ARHGAP24: variants seen among roughly 807,000 people sequenced by gnomAD.
ARHGAP24 encodes the protein Rho GTPase activating protein 24.
ARHGAP24 carries 50 observed loss-of-function variants against 76.4 expected under a neutral mutation model. The observed-to-expected ratio is 0.65, with a 90% CI of 0.52 to 0.83. ARHGAP24 has a LOEUF of 0.83. Among genes scored for constraint, ARHGAP24 ranks in the 40% least tolerant of loss-of-function variants. The probability of loss-of-function intolerance (pLI) is 0.00; values close to 1 mark genes in which losing one functional copy is unlikely to be tolerated. For missense variants in ARHGAP24, 930 were observed against 914.2 expected, an observed-to-expected ratio of 1.02 and a Z score of -0.22; for synonymous variants, 345 against 323.3, an observed-to-expected ratio of 1.07 and a Z score of -0.72.
chr4:85,711,246 A>T (rs1187628817), intron 2 of ARHGAP24, among the ~76,000 whole-genome samples: 1 of 152,000 alleles, frequency 6.6e-6, no homozygotes, highest in African/African-American at 2.4e-5. Flanking sequence ...CTATTGGAGG[A>T]TAAAGGGTGG....
chr4:85,960,231 G>T (rs1454127332), intron 5 of ARHGAP24, among the ~76,000 whole-genome samples: 2 of 152,076 alleles, frequency 1.3e-5, no homozygotes, highest in Non-Finnish European at 2.9e-5. Flanking sequence ...AGTTTTAAAA[G>T]AATTCAAGTT....
At chr4:85,927,750 C>T (rs1392723796) in intron 4 of ARHGAP24, among the ~76,000 whole-genome samples, 2 of 152,140 alleles carry the variant, frequency 1.3e-5, no homozygotes, top group African/African-American at 4.8e-5. Flanking sequence ...TTCATTGTGG[C>T]AATTTTTTAA....
At chr4:85,491,086 C>T (rs184005727) in intron 1 of ARHGAP24, among the ~76,000 whole-genome samples, 126 of 152,226 alleles carry the variant, frequency 8.3e-4, no homozygotes, top group African/African-American at 2.7e-3. Context: ...TCATACAAAA[C>T]TTGTTACTTT....
chr4:85,654,413 TG>T (rs925351319), intron 2 of ARHGAP24, among the ~76,000 whole-genome samples: 1 of 152,200 alleles, frequency 6.6e-6, no homozygotes, highest in Non-Finnish European at 1.5e-5. Context: ...ACATGAATTT[TG>T]GGGGCAAACT....
intron 5 of ARHGAP24, among the ~76,000 whole-genome samples, chr4:85,948,183 T>C (rs529518298): frequency 6.6e-6 from 1 of 152,258 alleles, no homozygotes; most frequent in Admixed American, 6.5e-5. Context: ...ATCAGATCAA[T>C]AGTTAAGTAG....
At chr4:85,751,437 T>C (rs1174988536) in intron 3 of ARHGAP24, among the ~76,000 whole-genome samples, 3 of 152,208 alleles carry the variant, frequency 2.0e-5, no homozygotes, top group Non-Finnish European at 4.4e-5. Context: ...ATTTATATAT[T>C]AGGATGGCCA....
chr4:85,675,325 C>T (rs1041653851), intron 2 of ARHGAP24, among the ~76,000 whole-genome samples: 1 of 152,136 alleles, frequency 6.6e-6, no homozygotes, highest in African/African-American at 2.4e-5. Context: ...TATCATCTAC[C>T]CTTTCTAGTC....
chr4:85,977,165 T>C (rs1277750654), intron 7 of ARHGAP24, among the ~76,000 whole-genome samples: 1 of 152,144 alleles, frequency 6.6e-6, no homozygotes, highest in Non-Finnish European at 1.5e-5. Context: ...GGTTAATTCC[T>C]CCTGTCTAAA....
chr4:85,730,716 G>C (rs139918374), intron 3 of ARHGAP24, among the ~76,000 whole-genome samples: 1 of 152,172 alleles, frequency 6.6e-6, no homozygotes, highest in East Asian at 1.9e-4. Flanking sequence ...GCTTGCATTA[G>C]TATCTTAAAG....
At chr4:85,852,300 G>A (rs1731279664) in intron 3 of ARHGAP24, among the ~76,000 whole-genome samples, 1 of 152,116 alleles carries the variant, frequency 6.6e-6, no homozygotes, top group African/African-American at 2.4e-5. Flanking sequence ...AGCTCCTTCA[G>A]GTCATTTAAG....
intron 3 of ARHGAP24, among the ~76,000 whole-genome samples, chr4:85,791,747 T>C (rs1053916491): frequency 5.3e-5 from 8 of 152,178 alleles, no homozygotes; most frequent in African/African-American, 1.9e-4. Flanking sequence ...AAGTCAGAAA[T>C]AATCTTTGTT....
At chr4:85,852,371 G>T (rs1391284393) in intron 3 of ARHGAP24, among the ~76,000 whole-genome samples, 2 of 152,098 alleles carry the variant, frequency 1.3e-5, no homozygotes, top group African/African-American at 4.8e-5. Context: ...AAGGTTTTTA[G>T]CTTCCTTGCG....
intron 2 of ARHGAP24, among the ~76,000 whole-genome samples, chr4:85,709,151 C>A (rs1249324862): frequency 3.3e-5 from 5 of 152,076 alleles, no homozygotes; most frequent in African/African-American, 1.2e-4. Context: ...GGGCTACAAT[C>A]CCTGAGCACT....
intron 6 of ARHGAP24, among the ~76,000 whole-genome samples, chr4:85,972,525 T>C (rs1388329808): frequency 1.3e-5 from 2 of 152,216 alleles, no homozygotes; most frequent in African/African-American, 4.8e-5. Context: ...TAGTGGCTTC[T>C]ATACAAAATC....
intron 3 of ARHGAP24, among the ~76,000 whole-genome samples, chr4:85,863,716 TTGTCAAAC>T (rs1732030496): frequency 6.6e-6 from 1 of 152,082 alleles, no homozygotes; most frequent in African/African-American, 2.4e-5. Context: ...GAACCTTGAA[TTGTCAAAC>T]TGAATGTGTG....
chr4:85,623,283 A>T (rs1720792019), intron 2 of ARHGAP24, among the ~76,000 whole-genome samples: 1 of 152,270 alleles, frequency 6.6e-6, no homozygotes, highest in East Asian at 1.9e-4. Context: ...ATAAGGTGTA[A>T]GGAAGGGATC....
intron 2 of ARHGAP24, among the ~76,000 whole-genome samples, chr4:85,694,103 T>C (rs185704930): frequency 2.4e-4 from 37 of 152,234 alleles, no homozygotes; most frequent in African/African-American, 8.2e-4. Context: ...GTGTCTGCAT[T>C]GCATCTCCGT....
intron 2 of ARHGAP24, among the ~76,000 whole-genome samples, chr4:85,618,105 C>A (rs1206160687): frequency 6.6e-6 from 1 of 152,158 alleles, no homozygotes; most frequent in Non-Finnish European, 1.5e-5. Flanking sequence ...ATTCATCCTA[C>A]TTAAGTGAAA....
intron 3 of ARHGAP24, among the ~76,000 whole-genome samples, chr4:85,841,582 GTTTA>G (rs954329228): frequency 1.4e-4 from 21 of 152,246 alleles, no homozygotes; most frequent in African/African-American, 4.8e-4. Flanking sequence ...TTGCACATTT[GTTTA>G]TTTATTTTCA....
Sources: gnomAD v4.1 joint callset for allele counts (sites outside exome capture counted in the v4.1 genomes callset) on GRCh38, gnomAD v4.1.1 for gene constraint, MANE v1.5 for transcripts, NCBI Gene and HGNC (gene_info 2026-07-23, HGNC 2026-07-21) for gene names.